Variants in TUBGCP6 observed in about 807,000 individuals in gnomAD.
TUBGCP6 encodes the protein tubulin gamma complex component 6, also known as gamma-tubulin complex component 6.
In TUBGCP6, 161 loss-of-function variants were observed where a neutral mutation model predicts 175.8. The ratio of observed to expected loss-of-function variants is 0.92; its 90% CI spans 0.81 to 1.04. The LOEUF (loss-of-function observed/expected upper bound fraction) is 1.04, where lower values mean the gene tolerates loss of function less well. Among genes scored for constraint, TUBGCP6 ranks in the 50% least tolerant of loss-of-function variants. TUBGCP6 has a pLI of 0.00. For missense variants in TUBGCP6, 2,572 were observed against 2,433.0 expected (o/e 1.06, Z -1.20); for synonymous variants, 1,173 against 1,030.5 (o/e 1.14, Z -2.65).
intron 2 of TUBGCP6, among the ~76,000 whole-genome samples, chr22:50,237,892 G>A (rs780579176): frequency 2.0e-5 from 3 of 152,152 alleles, no homozygotes; most frequent in Non-Finnish European, 4.4e-5. Flanking sequence ...GGAGGCCGAG[G>A]CGGGTGGATC....
rs139507438 is a variant in TUBGCP6, at chr22:50,237,678, C to T, written c.905+2526G>A. Among the ~76,000 whole-genome samples the T allele has an allele frequency of 1.5e-3, 231 of 152,050 alleles. 4 individuals carry two copies. In the East Asian group the frequency reaches 0.04, roughly 27 times the overall value. Reference sequence around the variant, plus strand: ...GAACCACCGCCAGGCCCCACCGTGCCGGAGCTCCGCAGCCTAGGAACCACC... The same window carrying T: ...GAACCACCGCCAGGCCCCACCGTGCTGGAGCTCCGCAGCCTAGGAACCACC... On this transcript the variant is annotated intron_variant, in intron 2 of 24. Coordinates refer to ENST00000248846, the MANE Select transcript of TUBGCP6 (RefSeq NM_020461.4).
Position 50,220,572 on chromosome 22 carries a change from G to A in TUBGCP6, c.3787C>T (p.Arg1263Trp), listed in dbSNP as rs199577822. 10 of 1,613,564 alleles carry A rather than the reference G, an allele frequency of 6.2e-6. No individual in the cohort carries two copies. The highest frequency in any genetic ancestry group is 1.3e-5 in the African/African-American group (1 of 75,028). The change falls in exon 16 of 25, where the codon CGG (arginine) becomes TGG (tryptophan). Residue 1263 changes from arginine (R) to tryptophan (W), a missense_variant. By Grantham distance (101) the Arg-to-Trp change is moderately radical. Coordinates refer to ENST00000248846, the MANE Select transcript of TUBGCP6 (RefSeq NM_020461.4). The stretch of plus-strand genomic sequence containing the variant: ...GGTACATGGGTGTTCCACCGTGGCC[G>A]GGTGGAAACCACATCCGACACAGGC... The part of the protein sequence containing the change: ...GEPVSDVVST[R>W]PRWNTHVPIP...
At position 50,220,328 on chromosome 22, in the gene TUBGCP6, C is replaced by T. The variant is rs746672368; in HGVS notation, c.4031G>A (p.Gly1344Glu). The change falls in exon 16 of 25, where the codon GGG (glycine) becomes GAG (glutamate). Residue 1344 changes from glycine to glutamate, a missense_variant. Transcript: ENST00000248846. The part of the protein sequence containing the change: ...SGCGEGSISV[G>E]ENVSDVAPTQ... ...GGGAGCCACGTCTGACACGTTCTCC[C>T]CCACGCTGATGCTCCCCTCCCCGCA... 4 of 1,578,114 alleles carry T rather than the reference C, an allele frequency of 2.5e-6. No homozygotes were observed. In the South Asian group the frequency reaches 4.6e-5, roughly 18 times the overall value.
At chr22:50,229,125 T>C (rs1216317612) in intron 4 of TUBGCP6, among the ~76,000 whole-genome samples, 4 of 152,068 alleles carry the variant, frequency 2.6e-5, no homozygotes, top group African/African-American at 2.4e-5. Flanking sequence ...CTCACGCCTT[T>C]CCTGCCCTGC....
chr22:50,244,942 C>A lies in TUBGCP6; in HGVS notation c.-483G>T, dbSNP rs562550160. The stretch of plus-strand genomic sequence containing the variant: ...TCCCGGGTTCTGGCCTGCACGTCCA[C>A]CCGTTCTCCAGGCCTCACCCGTGGA... On this transcript the variant is annotated 5_prime_UTR_variant, in exon 1 of 25. Transcript: ENST00000248846. The A allele has an allele frequency of 6.6e-5, 14 of 212,244 alleles. No homozygotes were observed. In the South Asian group the frequency reaches 8.3e-4, roughly 13 times the overall value. The allele number at this position is 212,244 out of a possible 1,614,324, so 13.1% of individuals were successfully genotyped here. A position where few individuals can be genotyped will look rare whatever the true frequency, so the allele number is the denominator to read the frequency against.
intron 4 of TUBGCP6, among the ~76,000 whole-genome samples, chr22:50,229,014 CA>C (rs1211345775): frequency 2.6e-5 from 4 of 152,178 alleles, no homozygotes; most frequent in Non-Finnish European, 5.9e-5. Flanking sequence ...AGACTTGGCT[CA>C]GAACTCCCAG....
rs761102834 is a variant in TUBGCP6, at chr22:50,219,731, C to A, written c.4228G>T (p.Glu1410Ter). 1.2e-6 allele frequency: 2 copies of A among 1,613,624 alleles called. No individual in the cohort carries two copies. Among genetic ancestry groups the A allele is most frequent in the African/African-American group, 2.7e-5 (2 of 74,950 alleles). The change falls in exon 18 of 25, where the codon GAG becomes TAG. Residue 1410 changes from glutamate (E) to a stop codon, truncating the protein, a stop_gained. Coordinates refer to ENST00000248846, the MANE Select transcript of TUBGCP6 (RefSeq NM_020461.4). LOFTEE classifies it high-confidence loss of function. ...TAGGCCTGCTCCCCACCCTGAGCCTCCGCCGCCGATGCCTCCGCCTCCTCA... is the reference window on the plus strand; with the variant it reads ...TAGGCCTGCTCCCCACCCTGAGCCTACGCCGCCGATGCCTCCGCCTCCTCA... ...RGEEAEASAA[E>*]AQGGEQAYLA... is the part of the protein sequence containing the mutation.
At chr22:50,239,536 ACT>A (rs995932631) in intron 2 of TUBGCP6, among the ~76,000 whole-genome samples, 81 of 152,104 alleles carry the variant, frequency 5.3e-4, no homozygotes, top group African/African-American at 1.8e-3. Context: ...CACATTAAAG[ACT>A]CTGAGAGGTG....
At position 50,220,019 on chromosome 22, in the gene TUBGCP6, TGTGGACACAA is replaced by T; in HGVS notation, c.4109-14_4109-5del. On this transcript the variant is annotated splice_region_variant and splice_polypyrimidine_tract_variant and intron_variant, in intron 16 of 24. Transcript: ENST00000248846. The stretch of plus-strand genomic sequence containing the variant: ...GTGTCCCCGCTCCTCCCAGGGCCTG[TGTGGACACAA>T]GTGGACACGAGGGCATCAGGGCCGA... The T allele has an allele frequency of 2.5e-6, 4 of 1,613,322 alleles. No homozygotes were observed. Among genetic ancestry groups the T allele is most frequent in the East Asian group, 2.2e-5 (1 of 44,848 alleles).
chr22:50,222,231 C>G (rs1463546363), intron 14 of TUBGCP6, 129 bp from the exon 15 acceptor site: 1 of 1,187,846 alleles, frequency 8.4e-7, no homozygotes, highest in East Asian at 2.4e-5. Context: ...GTGCTGGGCT[C>G]CAGTGGGACG....
chr22:50,227,526 G>A lies in TUBGCP6; in HGVS notation c.1412+381C>T, dbSNP rs541356572. ...ACTCTGCTCCTCAGCCTGGAAGGTCGCCTCTCCCACTGCTCCCAATGCCCA... is the reference window on the plus strand; with the variant it reads ...ACTCTGCTCCTCAGCCTGGAAGGTCACCTCTCCCACTGCTCCCAATGCCCA... On this transcript the variant is annotated intron_variant, in intron 5 of 24. Transcript: ENST00000248846. Among the ~76,000 whole-genome samples, 8 of 152,280 alleles carry A rather than the reference G, an allele frequency of 5.3e-5. No homozygotes were observed. In the South Asian group the frequency reaches 8.3e-4, roughly 16 times the overall value.
chr22:50,226,716 C>A lies in TUBGCP6; in HGVS notation c.1601+17G>T, dbSNP rs55831939. The A allele has an allele frequency of 8.2e-4, 1,285 of 1,567,264 alleles. 2 individuals are homozygous for A. Among genetic ancestry groups the A allele is most frequent in the Non-Finnish European group, 1.1e-3 (1,219 of 1,155,502 alleles). On this transcript the variant is annotated intron_variant, in intron 7 of 24. Transcript: ENST00000248846. Reference sequence around the variant, plus strand: ...TGGGAGTGCGCGCCCGCCGCGCCTGCCCAGCCCACTGCCCACCGGGTGTAG... The same window carrying A: ...TGGGAGTGCGCGCCCGCCGCGCCTGACCAGCCCACTGCCCACCGGGTGTAG...
chr22:50,221,632 G>C lies in TUBGCP6; in HGVS notation c.2727C>G (p.Ser909=), dbSNP rs375889859. Residue 909 remains serine (S), a synonymous_variant, in exon 16 of 25, where the codon TCC becomes TCG. Transcript: ENST00000248846. The stretch of plus-strand genomic sequence containing the variant: ...GGAGAGGGACCATGCCAGTCTGCAC[G>C]GACGGCTCAGCCCCTGGGCCCACAG... ...FLPVGPGAEP[S]VQTGMVPLLE... 46 of 1,535,898 alleles carry C rather than the reference G, an allele frequency of 3.0e-5. No homozygotes were observed. The highest frequency in any genetic ancestry group is 6.0e-5 in the Admixed American group (3 of 49,674).
chr22:50,244,091 AGGGG>A lies in TUBGCP6; in HGVS notation c.365_368del (p.Pro122LeufsTer31). On this transcript the variant is annotated frameshift_variant, in exon 1 of 25. Transcript: ENST00000248846. LOFTEE classifies it high-confidence loss of function. ...AGTCTCGTTTTCTCGGCAGAACTTG[AGGGG>A]GACCACTCCCTGCCAGCTGAACCAG... is the stretch of plus-strand genomic sequence containing the variant. The A allele has an allele frequency of 6.2e-7, 1 of 1,613,848 alleles. No homozygotes were observed. The highest frequency in any genetic ancestry group is 1.3e-5 in the African/African-American group (1 of 75,028).
intron 1 of TUBGCP6, among the ~76,000 whole-genome samples, chr22:50,243,185 C>T (rs886129334): frequency 6.6e-6 from 1 of 152,082 alleles, no homozygotes; most frequent in Non-Finnish European, 1.5e-5. Flanking sequence ...CATGGTGGCT[C>T]ACGCCTGTAA....
Position 50,226,804 on chromosome 22 carries a change from C to T in TUBGCP6, c.1530G>A (p.Leu510=). ...GGTAGTGCTCGTTGCTGCAGTTGTG[C>T]AGAGCCTCCTGGTAGAGGTAGGACA... The part of the protein sequence containing the change: ...KLLSYLYQEA[L]HNCSNEHYPV... The change falls in exon 7 of 25, where the codon CTG becomes CTA. Residue 510 remains leucine, a synonymous_variant. Coordinates refer to ENST00000248846, the MANE Select transcript of TUBGCP6 (RefSeq NM_020461.4). The T allele has an allele frequency of 6.3e-7, 1 of 1,590,446 alleles. No individual in the cohort carries two copies.
intron 2 of TUBGCP6, among the ~76,000 whole-genome samples, chr22:50,237,066 G>A (rs981448709): frequency 6.6e-5 from 10 of 152,222 alleles, no homozygotes; most frequent in African/African-American, 2.4e-4. Context: ...GTAGCAAAAT[G>A]CTTCCCCCAG....
chr22:50,240,580 T>C (rs935347260), intron 1 of TUBGCP6, among the ~76,000 whole-genome samples: 1 of 152,234 alleles, frequency 6.6e-6, no homozygotes, highest in Non-Finnish European at 1.5e-5. Flanking sequence ...TCCAATTCCA[T>C]GTAACACATA....
Position 50,243,148 on chromosome 22 carries a change from C to T in TUBGCP6, c.741+571G>A, listed in dbSNP as rs1428872800. Among the ~76,000 whole-genome samples the T allele has an allele frequency of 2.6e-5, 4 of 152,070 alleles. No individual in the cohort carries two copies. In the East Asian group the frequency reaches 7.7e-4, roughly 29 times the overall value. The stretch of plus-strand genomic sequence containing the variant: ...TGGCCAACATGGTGAAACCCCGCCT[C>T]TACTAAAAATACAAAAATTAGTTGG... On this transcript the variant is annotated intron_variant, in intron 1 of 24. Transcript: ENST00000248846.
Sources: gnomAD v4.1 joint callset for allele counts (sites outside exome capture counted in the v4.1 genomes callset) on GRCh38, gnomAD v4.1.1 for gene constraint, MANE v1.5 for transcripts, NCBI Gene and HGNC (gene_info 2026-07-23, HGNC 2026-07-21) for gene names.